Variants in PHTF2 observed in about 807,000 individuals in gnomAD.
PHTF2 encodes protein PHTF2.
A neutral mutation model predicts 101.2 loss-of-function variants in PHTF2; 60 were observed. The ratio of observed to expected loss-of-function variants is 0.59; its 90% CI spans 0.48 to 0.73. The LOEUF (loss-of-function observed/expected upper bound fraction) is 0.73. Ranked by LOEUF, PHTF2 falls within the 30% of genes least tolerant of loss-of-function variation. PHTF2 has a pLI of 0.00. For synonymous variants in PHTF2, 311 were observed against 307.3 expected, an observed-to-expected ratio of 1.01 and a Z score of -0.13; for missense variants, 747 against 908.7, an observed-to-expected ratio of 0.82 and a Z score of 2.29.
At chr7:77,830,307 ATATACATACT>A (rs1794982160) in intron 1 of PHTF2, among the ~76,000 whole-genome samples, 2 of 152,324 alleles carry the variant, frequency 1.3e-5, no homozygotes, top group African/African-American at 4.8e-5. Flanking sequence ...TTTTTCCTGT[ATATACATACT>A]TATGATAAAG....
intron 1 of PHTF2, among the ~76,000 whole-genome samples, chr7:77,825,586 C>T (rs780649685): frequency 6.6e-6 from 1 of 152,206 alleles, no homozygotes; most frequent in African/African-American, 2.4e-5. Flanking sequence ...AATGCCTGTG[C>T]TCAGTCCAAT....
At chr7:77,863,796 T>TC (rs1445401361) in intron 3 of PHTF2, among the ~76,000 whole-genome samples, 2 of 151,456 alleles carry the variant, frequency 1.3e-5, no homozygotes, top group African/African-American at 2.4e-5. Flanking sequence ...TGTTTTTTTT[T>TC]TTTTTTGGAA....
chr7:77,911,020 C>T (rs2150870947), intron 9 of PHTF2, among the ~76,000 whole-genome samples: 1 of 152,188 alleles, frequency 6.6e-6, no homozygotes, highest in African/African-American at 2.4e-5. Context: ...ATTAAAATGT[C>T]ATGTGAATTG....
intron 11 of PHTF2, among the ~76,000 whole-genome samples, chr7:77,926,851 C>A (rs966242152): frequency 6.6e-6 from 1 of 150,654 alleles, no homozygotes; most frequent in Non-Finnish European, 1.5e-5. Context: ...GTGGTACACG[C>A]ATGTAGTCCT....
At chr7:77,889,130 T>C (rs1015214605) in intron 3 of PHTF2, among the ~76,000 whole-genome samples, 4 of 152,214 alleles carry the variant, frequency 2.6e-5, no homozygotes, top group African/African-American at 2.4e-5. Flanking sequence ...GGTTATTCTC[T>C]TTCCTAGTCC....
chr7:77,889,648 T>C (rs1029306312), intron 3 of PHTF2, among the ~76,000 whole-genome samples: 1 of 146,032 alleles, frequency 6.8e-6, no homozygotes, highest in Non-Finnish European at 1.5e-5. Context: ...TGGAGTGCAG[T>C]GGTGTGATCT....
At chr7:77,834,193 A>T (rs1396182769) in intron 1 of PHTF2, among the ~76,000 whole-genome samples, 1 of 151,792 alleles carries the variant, frequency 6.6e-6, no homozygotes, top group Non-Finnish European at 1.5e-5. Flanking sequence ...ACATGCCTAT[A>T]GTCACAGCTA....
At chr7:77,809,683 C>A (rs1793283609) in intron 1 of PHTF2, among the ~76,000 whole-genome samples, 1 of 152,068 alleles carries the variant, frequency 6.6e-6, no homozygotes, top group African/African-American at 2.4e-5. Context: ...AAAATATTTG[C>A]AACATTGACT....
chr7:77,924,637 G>A (rs1018815594), intron 11 of PHTF2, among the ~76,000 whole-genome samples: 2 of 152,200 alleles, frequency 1.3e-5, no homozygotes, highest in Non-Finnish European at 2.9e-5. Flanking sequence ...GTGCATGGAT[G>A]GGATTGGTGG....
intron 3 of PHTF2, among the ~76,000 whole-genome samples, chr7:77,870,793 A>G (rs187604587): frequency 1.3e-5 from 2 of 152,324 alleles, no homozygotes; most frequent in Admixed American, 1.3e-4. Context: ...TAAGCCTAAC[A>G]TAACACAGCT....
chr7:77,877,936 C>A (rs1455936496), intron 3 of PHTF2, among the ~76,000 whole-genome samples: 3 of 152,144 alleles, frequency 2.0e-5, no homozygotes, highest in Non-Finnish European at 2.9e-5. Flanking sequence ...GGCTTTGAAT[C>A]ACTGTTGGGG....
intron 12 of PHTF2, among the ~76,000 whole-genome samples, chr7:77,931,325 G>A (rs140649030): frequency 1.3e-3 from 203 of 152,278 alleles, no homozygotes; most frequent in Middle Eastern, 0.01. Context: ...CAGGCTGGGA[G>A]AAGATATTTC....
chr7:77,921,326 G>C (rs962428366), intron 10 of PHTF2, among the ~76,000 whole-genome samples: 1 of 152,152 alleles, frequency 6.6e-6, no homozygotes, highest in African/African-American at 2.4e-5. Context: ...AAAGCTTAAT[G>C]TGATGTCTTC....
intron 4 of PHTF2, 35 bp downstream of exon 3, chr7:77,893,699 C>T (rs1800639640): frequency 2.3e-6 from 2 of 881,932 alleles, no homozygotes; most frequent in Admixed American, 2.2e-5. Flanking sequence ...TATTTTGAAA[C>T]ATAGTTCTAT....
chr7:77,917,090 G>A (rs184951937), intron 9 of PHTF2, among the ~76,000 whole-genome samples: 189 of 152,186 alleles, frequency 1.2e-3, no homozygotes, highest in African/African-American at 4.4e-3. Flanking sequence ...CTGCTTTAAG[G>A]AGAAGTTTTC....
At chr7:77,859,999 TCTTA>T (rs1176003162) in intron 3 of PHTF2, among the ~76,000 whole-genome samples, 1 of 152,342 alleles carries the variant, frequency 6.6e-6, no homozygotes, top group East Asian at 1.9e-4. Context: ...AGGTTTCCTT[TCTTA>T]CTTATTATAA....
chr7:77,846,067 CT>C (rs1193733709), intron 2 of PHTF2, among the ~76,000 whole-genome samples: 3 of 152,164 alleles, frequency 2.0e-5, no homozygotes, highest in Non-Finnish European at 4.4e-5. Flanking sequence ...TACCCCTTCT[CT>C]TTTAGCTCCT....
At chr7:77,844,110 G>A (rs563990208) in intron 2 of PHTF2, among the ~76,000 whole-genome samples, 2 of 152,248 alleles carry the variant, frequency 1.3e-5, no homozygotes, top group African/African-American at 4.8e-5. Context: ...CGATCCTCCT[G>A]CCTCAGCCCC....
chr7:77,814,479 A>G (rs1177082875), intron 1 of PHTF2, among the ~76,000 whole-genome samples: 5 of 151,670 alleles, frequency 3.3e-5, no homozygotes, highest in African/African-American at 4.8e-5. Context: ...ACTTAGGAGC[A>G]CTAGGCCGCA....
Sources: allele counts gnomAD v4.1 joint callset (sites outside exome capture counted in the v4.1 genomes callset), GRCh38; gene constraint gnomAD v4.1.1; transcripts MANE v1.5; gene names NCBI Gene and HGNC (gene_info 2026-07-23, HGNC 2026-07-21).